The following CAST variants were observed in gnomAD, a reference collection of about 807,000 sequenced individuals.
CAST encodes the protein MIR583 host.
CAST carries 76 observed loss-of-function variants against 119.6 expected under a neutral mutation model. The observed-to-expected ratio is 0.64, with a 90% CI of 0.53 to 0.77. CAST has a LOEUF of 0.77. Ranked by LOEUF, CAST falls within the 30% of genes least tolerant of loss-of-function variation. The pLI, the probability that CAST is intolerant of heterozygous loss-of-function variation, is 0.00. For missense variants in CAST, 953 were observed against 946.5 expected (o/e 1.01, Z -0.09); for synonymous variants, 319 against 331.6 (o/e 0.96, Z 0.41).
chr5:96,106,021 G>A, the CAST span, among the ~76,000 whole-genome samples: 74 of 152,272 alleles, frequency 4.9e-4, no homozygotes, highest in African/African-American at 1.3e-3. Flanking sequence ...GTTTATTTGC[G>A]TAGAGGTGTT....
chr5:95,986,238 G>A, the CAST span: 1 of 152,110 alleles, frequency 6.6e-6, no homozygotes, highest in Non-Finnish European at 1.5e-5. Flanking sequence ...TTGAACACAG[G>A]TTCGTTAGCT....
the CAST span, among the ~76,000 whole-genome samples, chr5:96,374,559 G>T: frequency 9.1e-3 from 1,389 of 152,316 alleles, 17 homozygotes; most frequent in African/African-American, 0.032. Context: ...GCGTATTCAT[G>T]TGTCGATGGG....
At chr5:96,651,340 C>T (rs1580858707) in intron 1 of CAST, among the ~76,000 whole-genome samples, 1 of 152,124 alleles carries the variant, frequency 6.6e-6, no homozygotes, top group African/African-American at 2.4e-5. Context: ...CAGTGATGTG[C>T]CTAGGGAAGT....
chr5:95,998,222 G>C, the CAST span, among the ~76,000 whole-genome samples: 1 of 151,708 alleles, frequency 6.6e-6, no homozygotes, highest in African/African-American at 2.4e-5. Flanking sequence ...TTCTGCTTAT[G>C]TATCAAGTGA....
chr5:96,383,412 G>A, the CAST span, among the ~76,000 whole-genome samples: 1 of 152,070 alleles, frequency 6.6e-6, no homozygotes, highest in African/African-American at 2.4e-5. Context: ...GGGACAAATT[G>A]CCCAGGGCTT....
chr5:96,043,742 C>G, the CAST span, among the ~76,000 whole-genome samples: 1 of 152,182 alleles, frequency 6.6e-6, no homozygotes, highest in Admixed American at 6.5e-5. Context: ...CTTCAAGTTT[C>G]ACTGGCCAGA....
intron 1 of CAST, among the ~76,000 whole-genome samples, chr5:96,544,822 G>T (rs1745976176): frequency 1.0e-5 from 1 of 97,758 alleles, no homozygotes; most frequent in African/African-American, 3.6e-5. Flanking sequence ...GAGAGTTTAG[G>T]AGTGGATAAA....
chr5:96,344,871 A>T, the CAST span, among the ~76,000 whole-genome samples: 3 of 152,168 alleles, frequency 2.0e-5, no homozygotes, highest in Non-Finnish European at 2.9e-5. Context: ...TGCTTACACA[A>T]ATAGAGCTGA....
At chr5:96,025,400 A>G in the CAST span, among the ~76,000 whole-genome samples, 2 of 152,184 alleles carry the variant, frequency 1.3e-5, no homozygotes, top group African/African-American at 4.8e-5. Flanking sequence ...CACCTTCATG[A>G]CCTAATTATC....
the CAST span, among the ~76,000 whole-genome samples, chr5:96,418,631 T>C: frequency 6.6e-6 from 1 of 152,200 alleles, no homozygotes; most frequent in East Asian, 1.9e-4. Context: ...AACCTTGGAA[T>C]TGGGGTATAA....
At chr5:96,201,557 C>A in the CAST span, among the ~76,000 whole-genome samples, 1 of 152,084 alleles carries the variant, frequency 6.6e-6, no homozygotes, top group Non-Finnish European at 1.5e-5. Flanking sequence ...TTGGTAAATG[C>A]CACAGCTCAG....
the CAST span, among the ~76,000 whole-genome samples, chr5:96,309,834 GC>G: frequency 4.5e-4 from 69 of 152,358 alleles, no homozygotes; most frequent in African/African-American, 1.3e-3. Context: ...AGTTTGAAAT[GC>G]AGAAATCACC....
chr5:96,768,784 G>A (rs948652013), intron 29 of CAST, among the ~76,000 whole-genome samples: 2 of 152,190 alleles, frequency 1.3e-5, no homozygotes, highest in Non-Finnish European at 1.5e-5. Flanking sequence ...TCAGGGCACA[G>A]CTCAAGCATC....
chr5:95,978,003 T>C, the CAST span, among the ~76,000 whole-genome samples: 537 of 152,202 alleles, frequency 3.5e-3, 4 homozygotes, highest in Middle Eastern at 0.014. Flanking sequence ...GGCTGCATGG[T>C]ATTCCACGGT....
At chr5:96,502,448 TTTAA>T in the CAST span, among the ~76,000 whole-genome samples, 1 of 151,866 alleles carries the variant, frequency 6.6e-6, no homozygotes, top group East Asian at 1.9e-4. Context: ...ATTCTTTAAT[TTTAA>T]TTAATTTTTT....
chr5:96,540,129 C>G (rs796389137), intron 1 of CAST, among the ~76,000 whole-genome samples: 3 of 152,158 alleles, frequency 2.0e-5, no homozygotes, highest in African/African-American at 7.2e-5. Flanking sequence ...GGCTATAAAT[C>G]TGTTTATACA....
upstream of CAST, among the ~76,000 whole-genome samples, chr5:96,528,417 G>C (rs963941605): frequency 1.3e-5 from 2 of 152,050 alleles, no homozygotes; most frequent in Admixed American, 1.3e-4. Context: ...CTTCCACTGG[G>C]CCCCTCCTAC....
chr5:95,968,131 G>T, the CAST span, among the ~76,000 whole-genome samples: 4 of 152,272 alleles, frequency 2.6e-5, no homozygotes, highest in East Asian at 1.9e-4. Flanking sequence ...AAGAGAAAAT[G>T]GTTGGTTCTA....
At chr5:96,307,245 C>T in the CAST span, among the ~76,000 whole-genome samples, 3 of 152,120 alleles carry the variant, frequency 2.0e-5, no homozygotes, top group African/African-American at 7.2e-5. Flanking sequence ...GGTTTAAATT[C>T]TGTTTCATCA....
Sources: allele counts gnomAD v4.1 joint callset (sites outside exome capture counted in the v4.1 genomes callset), GRCh38; gene constraint gnomAD v4.1.1; transcripts MANE v1.5; gene names NCBI Gene and HGNC (gene_info 2026-07-23, HGNC 2026-07-21).